PAX5: variants seen among roughly 807,000 people sequenced by gnomAD.
PAX5 encodes the protein paired box protein Pax-5.
A neutral mutation model predicts 43.7 loss-of-function variants in PAX5; 9 were observed. The observed-to-expected ratio is 0.21, with a 90% CI of 0.12 to 0.36. PAX5 has a LOEUF of 0.36. Among genes scored for constraint, PAX5 ranks in the 10% least tolerant of loss-of-function variants. The pLI is 1.00. For synonymous variants in PAX5, 228 were observed against 214.3 expected, an observed-to-expected ratio of 1.06 and a Z score of -0.56; for missense variants, 383 against 532.7, an observed-to-expected ratio of 0.72 and a Z score of 2.77.
chr9:36,984,352 G>T (rs1836197202), intron 5 of PAX5, among the ~76,000 whole-genome samples: 1 of 151,766 alleles, frequency 6.6e-6, no homozygotes, highest in Non-Finnish European at 1.5e-5. Flanking sequence ...ATATGCACAG[G>T]CTCTGAAAAC....
chr9:36,998,182 C>T (rs530559736), intron 5 of PAX5, among the ~76,000 whole-genome samples: 47 of 152,330 alleles, frequency 3.1e-4, no homozygotes, highest in African/African-American at 1.1e-3. Flanking sequence ...CCTCCAGAGG[C>T]CACAGAGATC....
chr9:36,869,426 G>C (rs1303218740), intron 8 of PAX5, among the ~76,000 whole-genome samples: 1 of 152,136 alleles, frequency 6.6e-6, no homozygotes, highest in Non-Finnish European at 1.5e-5. Context: ...TTCCTCCCCT[G>C]CCCTAAGGGC....
At chr9:36,857,018 A>G (rs1439297212) in intron 8 of PAX5, among the ~76,000 whole-genome samples, 1 of 152,174 alleles carries the variant, frequency 6.6e-6, no homozygotes, top group Non-Finnish European at 1.5e-5. Context: ...GAGTAGGAAT[A>G]ACATTGAACT....
intron 5 of PAX5, among the ~76,000 whole-genome samples, chr9:36,999,251 C>A (rs1837650012): frequency 6.6e-6 from 1 of 152,248 alleles, no homozygotes; most frequent in South Asian, 2.1e-4. Flanking sequence ...TTGGCACAAT[C>A]TCTCTTGCCT....
At chr9:36,931,941 A>G in intron 6 of PAX5, among the ~76,000 whole-genome samples, 1 of 152,108 alleles carries the variant, frequency 6.6e-6, no homozygotes. Flanking sequence ...TGGATGTGCT[A>G]ACTTTGTGGA....
intron 5 of PAX5, among the ~76,000 whole-genome samples, chr9:36,975,732 GAGTGGGATA>G (rs1487038786): frequency 5.3e-5 from 8 of 152,200 alleles, no homozygotes; most frequent in African/African-American, 1.9e-4. Context: ...CTTATCTGTA[GAGTGGGATA>G]ATAATAGTAT....
At chr9:36,877,746 T>C (rs982980986) in intron 8 of PAX5, among the ~76,000 whole-genome samples, 2 of 152,206 alleles carry the variant, frequency 1.3e-5, no homozygotes, top group Non-Finnish European at 2.9e-5. Context: ...GGCACATCCA[T>C]GCCCTACTCC....
At chr9:36,913,176 G>A (rs537566105) in intron 7 of PAX5, among the ~76,000 whole-genome samples, 43 of 152,316 alleles carry the variant, frequency 2.8e-4, no homozygotes, top group Admixed American at 4.6e-4. Flanking sequence ...CATTCTGTCT[G>A]TCTTTGTGGG....
At position 36,837,781 on chromosome 9, in the gene PAX5, G is replaced by A. The variant is rs564284640; in HGVS notation, c.*2779C>T. 3 of 233,424 alleles carry A rather than the reference G, an allele frequency of 1.3e-5. No homozygotes were observed. The highest frequency in any genetic ancestry group is 1.1e-4 in the Admixed American group (2 of 17,800). The allele number at this position is 233,424 out of a possible 1,614,324, so 14.5% of individuals were successfully genotyped here. A position where few individuals can be genotyped will look rare whatever the true frequency, so the allele number is the denominator to read the frequency against. Reference sequence around the variant, plus strand: ...GCCTCAGGTGAGGGAGGAAAGGTATGGGGGGAGCTCATTACAGGGCAAGAA... The same window carrying A: ...GCCTCAGGTGAGGGAGGAAAGGTATAGGGGGAGCTCATTACAGGGCAAGAA... On this transcript the variant is annotated 3_prime_UTR_variant, in exon 10 of 10. Transcript: ENST00000358127.
At chr9:36,924,841 G>GAGAAGGAA (rs370282418) in intron 6 of PAX5, among the ~76,000 whole-genome samples, 88 of 136,754 alleles carry the variant, frequency 6.4e-4, no homozygotes, top group East Asian at 1.1e-3. Context: ...GGGAGAGAAA[G>GAGAAGGAA]GGAGGGAGGG....
intron 5 of PAX5, among the ~76,000 whole-genome samples, chr9:36,974,842 G>A (rs771235434): frequency 6.6e-5 from 10 of 151,920 alleles, no homozygotes; most frequent in African/African-American, 1.9e-4. Flanking sequence ...AGGCCTCGAC[G>A]ACCTGCCCCT....
Position 36,833,658 on chromosome 9 carries a change from A to C in PAX5, c.*6902T>G. The C allele has an allele frequency of 4.3e-6, 1 of 233,216 alleles. No homozygotes were observed. Among genetic ancestry groups the C allele is most frequent in the East Asian group, 6.0e-5 (1 of 16,572 alleles). 14.4% of individuals were successfully genotyped at this position (233,216 alleles called of 1,614,324 possible). On this transcript the variant is annotated 3_prime_UTR_variant, in exon 10 of 10. Coordinates refer to ENST00000358127, the MANE Select transcript of PAX5 (RefSeq NM_016734.3). ...AATTGGCACTGCTGTAATTACATTC[A>C]AATATTATTACACACAAAAGCAACA...
intron 9 of PAX5, among the ~76,000 whole-genome samples, chr9:36,841,781 G>A (rs1465592797): frequency 6.6e-6 from 1 of 152,216 alleles, no homozygotes; most frequent in Non-Finnish European, 1.5e-5. Flanking sequence ...CCTGCTGGGG[G>A]CAGGGCTGGG....
rs534787228 is a variant in PAX5 at position 36,886,372 on chromosome 9, C to T, written c.911-4267G>A. ...TTCCAGGCAGAGGCTGATCCCCACG[C>T]CTGGTTGGGGAACCCAGTCTTATGA... is the stretch of plus-strand genomic sequence containing the variant. On this transcript the variant is annotated intron_variant, in intron 7 of 9. Transcript: ENST00000358127. Among the ~76,000 whole-genome samples, 101 of 152,298 alleles carry T rather than the reference C, an allele frequency of 6.6e-4. 3 individuals are homozygous for T. In the South Asian group the frequency reaches 0.02, roughly 31 times the overall value.
chr9:36,969,480 GCA>G (rs1377909033), intron 5 of PAX5, among the ~76,000 whole-genome samples: 1 of 152,258 alleles, frequency 6.6e-6, no homozygotes, highest in Non-Finnish European at 1.5e-5. Flanking sequence ...GTAGAGCCCA[GCA>G]CAGAGTAAAG....
chr9:36,882,136 G>T lies in PAX5; in HGVS notation c.911-31C>A. On this transcript the variant is annotated intron_variant, in intron 7 of 9. Transcript: ENST00000358127. The surrounding 1 kb of genome is among the most constrained non-coding windows in gnomAD (Gnocchi z 4.4). ...GAATCAAAGCAACAAATCACAGGGT[G>T]AGCATCTTCGCGGCCAGCCGCTCAT... 2 of 1,528,382 alleles carry T rather than the reference G, an allele frequency of 1.3e-6. No homozygotes were observed. Among genetic ancestry groups the T allele is most frequent in the South Asian group, 2.4e-5 (2 of 81,868 alleles). 94.7% of individuals were successfully genotyped at this position (1,528,382 alleles called of 1,614,324 possible).
At chr9:36,980,078 A>G (rs1835780458) in intron 5 of PAX5, among the ~76,000 whole-genome samples, 2 of 152,240 alleles carry the variant, frequency 1.3e-5, no homozygotes, top group African/African-American at 2.4e-5. Flanking sequence ...CCTACTGTCA[A>G]CATGGCCCAA....
chr9:36,862,035 T>C (rs1007672938), intron 8 of PAX5, among the ~76,000 whole-genome samples: 4 of 151,972 alleles, frequency 2.6e-5, no homozygotes, highest in African/African-American at 9.7e-5. Flanking sequence ...AAGCAGAGGG[T>C]CAGCTGGCCA....
intron 7 of PAX5, among the ~76,000 whole-genome samples, chr9:36,895,657 C>T (rs10973121): frequency 0.059 from 9,056 of 152,256 alleles, 315 homozygotes; most frequent in Middle Eastern, 0.099. Context: ...CCTCTGATGC[C>T]TGTTACTGCC....
Sources: allele counts gnomAD v4.1 joint callset (sites outside exome capture counted in the v4.1 genomes callset), GRCh38; gene constraint gnomAD v4.1.1; non-coding constraint Gnocchi (gnomAD v3.1); transcripts MANE v1.5; gene names NCBI Gene and HGNC (gene_info 2026-07-23, HGNC 2026-07-21).